DCAF8L2: variants seen among roughly 807,000 people sequenced by gnomAD.
The protein encoded by DCAF8L2 is DDB1 and CUL4 associated factor 8 like 2, also known as DDB1- and CUL4-associated factor 8-like protein 2.
For synonymous variants in DCAF8L2, 200 were observed against 190.9 expected (o/e 1.05, Z -0.39); for missense variants, 430 against 490.7 (o/e 0.88, Z 1.17).
the DCAF8L2 span, among the ~76,000 whole-genome samples, chrX:27,574,657 G>A: frequency 2.7e-5 from 3 of 112,106 alleles, no homozygotes; most frequent in Non-Finnish European, 5.6e-5. Flanking sequence ...ATAGTCCACT[G>A]TTCTGACCGA....
At chrX:27,538,586 G>A in the DCAF8L2 span, among the ~76,000 whole-genome samples, 2 of 110,306 alleles carry the variant, frequency 1.8e-5, no homozygotes, top group Admixed American at 9.7e-5. Context: ...TAGAGATGGG[G>A]TTTCACCATG....
chrX:27,512,395 G>A, the DCAF8L2 span, among the ~76,000 whole-genome samples: 11 of 111,045 alleles, frequency 9.9e-5, no homozygotes, highest in Middle Eastern at 4.6e-3. Flanking sequence ...CAATGTAATC[G>A]TTATCAAGAT....
chrX:27,642,665 G>A (rs971691440), intron 2 of DCAF8L2, among the ~76,000 whole-genome samples: 3 of 111,202 alleles, frequency 2.7e-5, no homozygotes, highest in African/African-American at 9.8e-5. Context: ...GACACTGCTG[G>A]GCTTTCCCCA....
chrX:27,646,035 TGATA>T (rs1928923652), intron 2 of DCAF8L2, among the ~76,000 whole-genome samples: 1 of 111,613 alleles, frequency 9.0e-6, no homozygotes, highest in Non-Finnish European at 1.9e-5. Flanking sequence ...AAGCTACCAT[TGATA>T]TTCTTCACAG....
chrX:27,725,041 C>A (rs776104368), intron 4 of DCAF8L2, among the ~76,000 whole-genome samples: 10 of 111,033 alleles, frequency 9.0e-5, no homozygotes, highest in African/African-American at 2.6e-4. Flanking sequence ...AGACTCATAT[C>A]AAGTATTGCA....
the DCAF8L2 span, among the ~76,000 whole-genome samples, chrX:27,486,737 A>G: frequency 9.0e-6 from 1 of 111,215 alleles, no homozygotes; most frequent in Non-Finnish European, 1.9e-5. Context: ...AGGTTTTTAT[A>G]TATTCTGGAC....
intron 1 of DCAF8L2, chrX:27,627,537 T>TGTG (rs1569164726): frequency 0.03 from 2,755 of 90,893 alleles, 53 homozygotes; most frequent in Middle Eastern, 0.073. Context: ...GTTGTTTTTG[T>TGTG]TGTGTGTGTG....
chrX:27,645,530 A>C (rs1349708134), intron 2 of DCAF8L2, among the ~76,000 whole-genome samples: 1 of 111,436 alleles, frequency 9.0e-6, no homozygotes, highest in Admixed American at 9.6e-5. Flanking sequence ...CTCTCTCACC[A>C]CTCTTATTCA....
chrX:27,503,974 A>G, the DCAF8L2 span, among the ~76,000 whole-genome samples: 5 of 112,234 alleles, frequency 4.5e-5, no homozygotes, highest in Non-Finnish European at 7.5e-5. Context: ...TCTCTTCTTT[A>G]TTGTATTGTA....
chrX:27,503,552 C>T, the DCAF8L2 span, among the ~76,000 whole-genome samples: 1 of 110,880 alleles, frequency 9.0e-6, no homozygotes, highest in African/African-American at 3.3e-5. Flanking sequence ...GATTATCCTT[C>T]CTCCATTGAA....
At chrX:27,722,131 AT>A (rs906182205) in intron 4 of DCAF8L2, among the ~76,000 whole-genome samples, 2 of 112,342 alleles carry the variant, frequency 1.8e-5, no homozygotes, top group African/African-American at 6.4e-5. Context: ...CATTTATGCA[AT>A]TTAATGCAAA....
At chrX:27,528,476 G>GTGTATATATA in the DCAF8L2 span, among the ~76,000 whole-genome samples, 47 of 83,439 alleles carry the variant, frequency 5.6e-4, no homozygotes, top group African/African-American at 1.8e-3. Flanking sequence ...ATGTGTATGT[G>GTGTATATATA]TATATATATA....
chrX:27,588,247 G>A (rs1273303754), upstream of DCAF8L2, among the ~76,000 whole-genome samples: 6 of 109,110 alleles, frequency 5.5e-5, 1 homozygote, highest in South Asian at 3.9e-4. Flanking sequence ...GAGAAGGTAC[G>A]GCATTTGGTT....
rs113362624 is a variant in DCAF8L2 at position 27,596,381 on chromosome X, A to C, written c.-342+5941A>C. 8.9e-3 allele frequency among the ~76,000 whole-genome samples: 997 copies of C among 111,481 alleles called. 8 individuals carry two copies. Among genetic ancestry groups the C allele is most frequent in the African/African-American group, 0.03 (935 of 30,719 alleles). Reference sequence around the variant, plus strand: ...ACTACATTAATTTACATATCGTCTGAATATGAAAAGGCCTAGAGGTGGTGA... The same window carrying C: ...ACTACATTAATTTACATATCGTCTGCATATGAAAAGGCCTAGAGGTGGTGA... On this transcript the variant is annotated intron_variant, in intron 1 of 4. Transcript: ENST00000451261.
intron 2 of DCAF8L2, among the ~76,000 whole-genome samples, chrX:27,653,379 C>A (rs1929220479): frequency 9.0e-6 from 1 of 111,393 alleles, no homozygotes. Flanking sequence ...TGGCTGATAG[C>A]AGCTAGATCT....
At chrX:27,547,414 C>A in the DCAF8L2 span, among the ~76,000 whole-genome samples, 1 of 111,908 alleles carries the variant, frequency 8.9e-6, no homozygotes. Context: ...CCCACCAGTC[C>A]CAATTTACTG....
intron 1 of DCAF8L2, among the ~76,000 whole-genome samples, chrX:27,602,326 C>T (rs759095556): frequency 3.6e-4 from 40 of 111,829 alleles, no homozygotes; most frequent in African/African-American, 1.2e-3. Context: ...TGAGCCACCG[C>T]GCCTGGCTGA....
intron 1 of DCAF8L2, among the ~76,000 whole-genome samples, chrX:27,630,347 A>G (rs1928232697): frequency 8.9e-6 from 1 of 111,884 alleles, no homozygotes; most frequent in South Asian, 3.8e-4. Flanking sequence ...TTACAGAATA[A>G]TAATGAGTAA....
chrX:27,653,376 T>A (rs1929220306), intron 2 of DCAF8L2, among the ~76,000 whole-genome samples: 1 of 111,625 alleles, frequency 9.0e-6, no homozygotes, highest in African/African-American at 3.3e-5. Flanking sequence ...CACTGGCTGA[T>A]AGCAGCTAGA....
Sources: gnomAD v4.1 joint callset for allele counts (sites outside exome capture counted in the v4.1 genomes callset) on GRCh38, gnomAD v4.1.1 for gene constraint, MANE v1.5 for transcripts, NCBI Gene and HGNC (gene_info 2026-07-23, HGNC 2026-07-21) for gene names.